SEL1L: variants seen among roughly 807,000 people sequenced by gnomAD.
The protein encoded by SEL1L is SEL1L adaptor subunit of SYVN1 ubiquitin ligase.
SEL1L carries 52 observed loss-of-function variants against 109.8 expected under a neutral mutation model. That is an observed-to-expected ratio of 0.47 (90% CI 0.38 to 0.60). The LOEUF is 0.60. Ranked by LOEUF, SEL1L falls within the 20% of genes least tolerant of loss-of-function variation. SEL1L has a pLI of 0.00. For missense variants in SEL1L, 749 were observed against 962.2 expected, an observed-to-expected ratio of 0.78 and a Z score of 2.93; for synonymous variants, 373 against 339.6, an observed-to-expected ratio of 1.10 and a Z score of -1.08.
chr14:81,497,124 A>T (rs527263828), intron 10 of SEL1L, among the ~76,000 whole-genome samples: 1 of 152,366 alleles, frequency 6.6e-6, no homozygotes, highest in South Asian at 2.1e-4. Context: ...CAATAATGTA[A>T]AAATAAGATG....
intron 3 of SEL1L, among the ~76,000 whole-genome samples, chr14:81,507,499 T>C (rs573250788): frequency 4.0e-5 from 6 of 151,796 alleles, no homozygotes; most frequent in East Asian, 1.9e-4. Context: ...CTTACTAAGA[T>C]ACAGAATTCT....
At chr14:81,479,777 T>C in intron 19 of SEL1L, 37 bp from the exon 20 acceptor site, 1 of 1,539,986 alleles carries the variant, frequency 6.5e-7, no homozygotes, top group African/African-American at 1.4e-5. Context: ...GCATTTCTTG[T>C]CAAAATAAGT....
rs1885168637 is a variant in SEL1L, at chr14:81,527,752, T to G, written c.71-14A>C. On this transcript the variant is annotated splice_polypyrimidine_tract_variant and intron_variant, in intron 1 of 20. Transcript: ENST00000336735. Reference sequence around the variant, plus strand: ...TGCCTTCTTCATCTGCAAAGAAATTTTAAGACAATTTAGTAATCTTTCTTG... The same window carrying G: ...TGCCTTCTTCATCTGCAAAGAAATTGTAAGACAATTTAGTAATCTTTCTTG... The G allele has an allele frequency of 1.3e-6, 2 of 1,581,194 alleles. No homozygotes were observed. The highest frequency in any genetic ancestry group is 1.7e-6 in the Non-Finnish European group (2 of 1,155,426).
chr14:81,528,637 G>C (rs1316715477), intron 1 of SEL1L, among the ~76,000 whole-genome samples: 3 of 152,080 alleles, frequency 2.0e-5, no homozygotes, highest in African/African-American at 7.2e-5. Flanking sequence ...TCATCTTTAA[G>C]TTTCCCTCTT....
rs140627402 is a variant in SEL1L at position 81,526,859 on chromosome 14, T to C, written c.214A>G (p.Ile72Val). ...TTGAGGCTGTCTTCCTCTTCTTGAA[T>C]AGAGGATTCTAATTCAGATTCTTCT... is the stretch of plus-strand genomic sequence containing the variant. ...DSEESELESSIQEEEDSLKSQ... is the reference protein window; with the variant it reads ...DSEESELESSVQEEEDSLKSQ... Residue 72 changes from isoleucine (I) to valine (V), a missense_variant, in exon 3 of 21, where the codon ATT becomes GTT. This residue lies in a region of SEL1L where 366 missense variants were observed against 399.8 expected (regional missense o/e 0.92). Coordinates refer to ENST00000336735, the MANE Select transcript of SEL1L (RefSeq NM_005065.6). 5 of 1,600,528 alleles carry C rather than the reference T, an allele frequency of 3.1e-6. No homozygotes were observed. The highest frequency in any genetic ancestry group is 4.3e-6 in the Non-Finnish European group (5 of 1,174,976).
chr14:81,519,346 T>G (rs1481733460), intron 3 of SEL1L, among the ~76,000 whole-genome samples: 1 of 152,208 alleles, frequency 6.6e-6, no homozygotes, highest in Non-Finnish European at 1.5e-5. Context: ...AACTCTACAC[T>G]GAGTCCTTTG....
At chr14:81,527,025 A>G in intron 2 of SEL1L, 61 bp from the exon 3 acceptor site, 2 of 1,255,082 alleles carry the variant, frequency 1.6e-6, no homozygotes, top group Non-Finnish European at 2.3e-6. Flanking sequence ...ACCCTATTTG[A>G]CCGTTATTTT....
chr14:81,512,104 G>A (rs1244857994), intron 3 of SEL1L, among the ~76,000 whole-genome samples: 1 of 152,182 alleles, frequency 6.6e-6, no homozygotes, highest in Non-Finnish European at 1.5e-5. Context: ...CAGATATTGA[G>A]TATATCATTG....
At chr14:81,505,836 C>T (rs558425202) in intron 4 of SEL1L, among the ~76,000 whole-genome samples, 3 of 152,236 alleles carry the variant, frequency 2.0e-5, no homozygotes, top group African/African-American at 7.2e-5. Context: ...AACAAAACAA[C>T]CTGTGTATAC....
chr14:81,529,406 T>C (rs1278660780), intron 1 of SEL1L, among the ~76,000 whole-genome samples: 1 of 152,190 alleles, frequency 6.6e-6, no homozygotes, highest in East Asian at 1.9e-4. Context: ...AAATACTGAA[T>C]GAAACTTTAG....
chr14:81,501,289 G>C (rs982831622), intron 6 of SEL1L, among the ~76,000 whole-genome samples: 1 of 152,156 alleles, frequency 6.6e-6, no homozygotes, highest in Non-Finnish European at 1.5e-5. Flanking sequence ...TTTGTCTGTT[G>C]CATCAACTAG....
At chr14:81,491,530 A>G (rs1221910135) in intron 12 of SEL1L, among the ~76,000 whole-genome samples, 3 of 152,238 alleles carry the variant, frequency 2.0e-5, no homozygotes, top group Non-Finnish European at 4.4e-5. Context: ...GAATATTTAA[A>G]TGTAGTTACC....
chr14:81,531,244 T>C (rs954537510), intron 1 of SEL1L, among the ~76,000 whole-genome samples: 1 of 152,236 alleles, frequency 6.6e-6, no homozygotes, highest in African/African-American at 2.4e-5. Flanking sequence ...ATGGGGTTCA[T>C]TGTTGACCAA....
intron 3 of SEL1L, among the ~76,000 whole-genome samples, chr14:81,513,517 A>G (rs991733323): frequency 3.3e-5 from 5 of 152,186 alleles, no homozygotes; most frequent in African/African-American, 1.2e-4. Context: ...TCATTCTTGA[A>G]GTCAGCGAGA....
At chr14:81,501,620 ACTTCC>A (rs1884012428) in intron 6 of SEL1L, among the ~76,000 whole-genome samples, 1 of 152,136 alleles carries the variant, frequency 6.6e-6, no homozygotes, top group African/African-American at 2.4e-5. Flanking sequence ...TTGAAAACAG[ACTTCC>A]CTTGTGATTA....
chr14:81,520,142 T>A (rs1008502798), intron 3 of SEL1L, among the ~76,000 whole-genome samples: 3 of 152,224 alleles, frequency 2.0e-5, no homozygotes, highest in African/African-American at 7.2e-5. Context: ...TAGCTGGAAC[T>A]GTACACAGAG....
intron 1 of SEL1L, among the ~76,000 whole-genome samples, chr14:81,528,260 C>T (rs989760072): frequency 6.6e-6 from 1 of 152,102 alleles, no homozygotes; most frequent in Non-Finnish European, 1.5e-5. Context: ...AGTTGCAAAA[C>T]AATTATATTT....
intron 3 of SEL1L, among the ~76,000 whole-genome samples, chr14:81,524,956 CA>C: frequency 6.6e-6 from 1 of 152,096 alleles, no homozygotes; most frequent in South Asian, 2.1e-4. Flanking sequence ...TGAATTCAAA[CA>C]AATAAATTGT....
chr14:81,496,902 G>C (rs1419634530), intron 10 of SEL1L, among the ~76,000 whole-genome samples: 3 of 152,152 alleles, frequency 2.0e-5, no homozygotes, highest in African/African-American at 7.2e-5. Flanking sequence ...TGGTAAAAGT[G>C]CTCATCGTAC....
Sources: allele counts gnomAD v4.1 joint callset (sites outside exome capture counted in the v4.1 genomes callset), GRCh38; gene constraint gnomAD v4.1.1; regional missense constraint gnomAD v4.1.1; transcripts MANE v1.5; gene names NCBI Gene and HGNC (gene_info 2026-07-23, HGNC 2026-07-21).